The following SYCP1 variants were observed in gnomAD, a reference collection of about 807,000 sequenced individuals.
The protein encoded by SYCP1 is cancer/testis antigen 8.
Under a neutral mutation model 153.1 loss-of-function variants are expected in SYCP1, and 64 were observed. The ratio of observed to expected loss-of-function variants is 0.42; its 90% CI spans 0.34 to 0.51. SYCP1 has a LOEUF of 0.51. SYCP1 is among the 20% of genes least tolerant of loss of function. SYCP1 has a pLI of 0.06. For missense variants in SYCP1, 997 were observed against 1,049.0 expected (o/e 0.95, Z 0.68); for synonymous variants, 384 against 341.8 (o/e 1.12, Z -1.36).
At chr1:114,993,318 C>T (rs550573293) in intron 30 of SYCP1, among the ~76,000 whole-genome samples, 1 of 151,648 alleles carries the variant, frequency 6.6e-6, no homozygotes, top group African/African-American at 2.4e-5. Context: ...TGAAATTTCT[C>T]ATCCACAAAG....
intron 24 of SYCP1, 79 bp downstream of exon 24, chr1:114,944,534 A>C: frequency 3.4e-6 from 3 of 873,336 alleles, no homozygotes; most frequent in East Asian, 6.0e-5. Context: ...GGAAAGTAAA[A>C]AAATCTTAAC....
intron 27 of SYCP1, among the ~76,000 whole-genome samples, chr1:114,965,948 A>G (rs1672101058): frequency 6.6e-6 from 1 of 152,158 alleles, no homozygotes; most frequent in Non-Finnish European, 1.5e-5. Flanking sequence ...CTCTGGTAGA[A>G]TTTGGCTGTG....
chr1:114,889,708 T>C (rs1406976158), intron 15 of SYCP1, among the ~76,000 whole-genome samples: 10 of 152,204 alleles, frequency 6.6e-5, no homozygotes, highest in Admixed American at 3.9e-4. Context: ...TTCATTTAAT[T>C]AGATCCCATT....
At chr1:114,930,613 T>C (rs113714702) in intron 23 of SYCP1, among the ~76,000 whole-genome samples, 5,539 of 151,988 alleles carry the variant, frequency 0.036, 124 homozygotes, top group African/African-American at 0.053. Context: ...GAAATTGTCA[T>C]TAAAATATCT....
chr1:114,857,165 A>AAAAT, intron 3 of SYCP1, 67 bp from the exon 4 acceptor site: 1 of 1,146,116 alleles, frequency 8.7e-7, no homozygotes, highest in Non-Finnish European at 1.2e-6. Context: ...AAAGAGAAAA[A>AAAAT]AGAAAAAAAA....
chr1:114,970,046 G>T (rs1672379536), intron 27 of SYCP1, among the ~76,000 whole-genome samples: 1 of 152,136 alleles, frequency 6.6e-6, no homozygotes, highest in South Asian at 2.1e-4. Context: ...CCCACCTTCT[G>T]CATTGGTCTC....
intron 11 of SYCP1, among the ~76,000 whole-genome samples, chr1:114,877,791 C>T (rs1295748301): frequency 3.3e-5 from 5 of 152,190 alleles, no homozygotes; most frequent in African/African-American, 1.2e-4. Flanking sequence ...CAAAGACAGA[C>T]TGAATCTTAC....
At chr1:114,920,550 G>A (rs760176075) in intron 20 of SYCP1, among the ~76,000 whole-genome samples, 1 of 152,052 alleles carries the variant, frequency 6.6e-6, no homozygotes, top group Non-Finnish European at 1.5e-5. Flanking sequence ...AAGTCTGGGT[G>A]ATTTGTCCAG....
At position 114,885,567 on chromosome 1, in the gene SYCP1, G is replaced by A; in HGVS notation, c.943G>A (p.Glu315Lys). The change falls in exon 13 of 32, where the codon GAG (glutamate) becomes AAG (lysine). Residue 315 changes from glutamate (E) to lysine (K), a missense_variant. Transcript: ENST00000369522. ...GAGTGAAAACTTAAAACAATCAATT[G>A]AGAAACAGCATCATTTGACTAAAGA... Reference protein sequence around the residue: ...LQSENLKQSIEKQHHLTKELE... With the variant: ...LQSENLKQSIKKQHHLTKELE... 1 of 1,580,204 alleles carries A rather than the reference G, an allele frequency of 6.3e-7. No homozygotes were observed. The highest frequency in any genetic ancestry group is 8.6e-7 in the Non-Finnish European group (1 of 1,161,238).
chr1:114,927,251 A>C (rs998275176), intron 23 of SYCP1, among the ~76,000 whole-genome samples: 1 of 152,236 alleles, frequency 6.6e-6, no homozygotes, highest in African/African-American at 2.4e-5. Context: ...TAAAAGTAGC[A>C]GATTCATATA....
At chr1:114,971,054 G>A (rs1672455679) in intron 27 of SYCP1, among the ~76,000 whole-genome samples, 1 of 152,164 alleles carries the variant, frequency 6.6e-6, no homozygotes, top group Non-Finnish European at 1.5e-5. Flanking sequence ...GCCACATGGT[G>A]TTGTCTTTAA....
chr1:114,946,245 A>C (rs529302450), intron 25 of SYCP1, 44 bp from the exon 26 acceptor site: 1 of 987,428 alleles, frequency 1.0e-6, no homozygotes, highest in Non-Finnish European at 1.4e-6. Context: ...CTTATAATCT[A>C]TTCAGTTTTA....
At chr1:114,869,655 C>T (rs1664983259) in intron 8 of SYCP1, among the ~76,000 whole-genome samples, 1 of 152,148 alleles carries the variant, frequency 6.6e-6, no homozygotes, top group African/African-American at 2.4e-5. Flanking sequence ...AAAGGAAATG[C>T]TCATTGGAGC....
intron 27 of SYCP1, among the ~76,000 whole-genome samples, chr1:114,951,449 A>G (rs912434131): frequency 5.3e-5 from 8 of 152,250 alleles, no homozygotes; most frequent in African/African-American, 1.9e-4. Flanking sequence ...TTATTATTAA[A>G]CTTAAGATAG....
chr1:114,981,584 A>G, intron 29 of SYCP1, 72 bp downstream of exon 29: 1 of 1,345,914 alleles, frequency 7.4e-7, no homozygotes. Flanking sequence ...ATCACCATAT[A>G]TCTGGCATCA....
chr1:114,985,747 C>T (rs2101965700), intron 30 of SYCP1, among the ~76,000 whole-genome samples: 1 of 151,798 alleles, frequency 6.6e-6, no homozygotes, highest in East Asian at 2.0e-4. Flanking sequence ...TTATCAACAT[C>T]TTAACAATTA....
At chr1:114,955,825 T>C (rs1671399201) in intron 27 of SYCP1, among the ~76,000 whole-genome samples, 1 of 152,120 alleles carries the variant, frequency 6.6e-6, no homozygotes, top group Non-Finnish European at 1.5e-5. Flanking sequence ...CCTACTGAGT[T>C]TGCTCCCAGG....
At chr1:114,902,018 G>A (rs1262988542) in intron 16 of SYCP1, among the ~76,000 whole-genome samples, 4 of 152,102 alleles carry the variant, frequency 2.6e-5, no homozygotes, top group Non-Finnish European at 4.4e-5. Context: ...TCCTTGGCTG[G>A]GGGAGGGGGA....
intron 23 of SYCP1, among the ~76,000 whole-genome samples, chr1:114,927,112 A>T (rs1669307368): frequency 6.6e-6 from 1 of 152,040 alleles, no homozygotes; most frequent in Non-Finnish European, 1.5e-5. Flanking sequence ...TTCTCATTGT[A>T]TTAATTATGT....
Sources: allele counts gnomAD v4.1 joint callset (sites outside exome capture counted in the v4.1 genomes callset), GRCh38; gene constraint gnomAD v4.1.1; transcripts MANE v1.5; gene names NCBI Gene and HGNC (gene_info 2026-07-23, HGNC 2026-07-21).